PLEKHH2: variants seen among roughly 807,000 people sequenced by gnomAD.
PLEKHH2 encodes pleckstrin homology, MyTH4 and FERM domain containing H2.
A neutral mutation model predicts 187.9 loss-of-function variants in PLEKHH2; 129 were observed. The observed-to-expected ratio is 0.69, with a 90% CI of 0.59 to 0.79. The LOEUF (loss-of-function observed/expected upper bound fraction) is 0.79, where lower values mean the gene tolerates loss of function less well. Ranked by LOEUF, PLEKHH2 falls within the 30% of genes least tolerant of loss-of-function variation. PLEKHH2 has a pLI of 0.00. For missense variants in PLEKHH2, 2,076 were observed against 1,751.2 expected (o/e 1.19, Z -3.31); for synonymous variants, 686 against 605.6 (o/e 1.13, Z -1.95).
At chr2:43,698,418 T>C (rs1164922217) in intron 7 of PLEKHH2, among the ~76,000 whole-genome samples, 1 of 152,056 alleles carries the variant, frequency 6.6e-6, no homozygotes, top group South Asian at 2.1e-4. Flanking sequence ...TAGTTAATTT[T>C]TGTATTTTTT....
Position 43,710,726 on chromosome 2 carries a change from C to T in PLEKHH2, c.2301+151C>T, listed in dbSNP as rs1669924388. 5 of 1,416,878 alleles carry T rather than the reference C, an allele frequency of 3.5e-6. No homozygotes were observed. In the South Asian group the frequency reaches 6.3e-5, roughly 18 times the overall value. 87.8% of individuals were successfully genotyped at this position (1,416,878 alleles called of 1,614,324 possible). On this transcript the variant is annotated intron_variant, in intron 14 of 29. Coordinates refer to ENST00000282406, the MANE Select transcript of PLEKHH2 (RefSeq NM_172069.4). ...TGATGCCTTGGAAGTATGTGAAACT[C>T]CACGAATTTTTGGTTAAAACTATAA...
Position 43,710,326 on chromosome 2 carries a change from C to T in PLEKHH2, c.2210C>T (p.Ser737Phe), listed in dbSNP as rs1269810374. 1.2e-6 allele frequency: 2 copies of T among 1,612,874 alleles called. No homozygotes were observed. Among genetic ancestry groups the T allele is most frequent in the Non-Finnish European group, 8.5e-7 (1 of 1,178,934 alleles). Reference protein sequence around the residue: ...LKGGELLYYKSPSDVIRKPQG... With the variant: ...LKGGELLYYKFPSDVIRKPQG... ...GGTGGTGAATTACTTTACTACAAATCTCCGGTGAGTGGAAAGTGTTTTCTG... is the reference window on the plus strand; with the variant it reads ...GGTGGTGAATTACTTTACTACAAATTTCCGGTGAGTGGAAAGTGTTTTCTG... The change falls in exon 13 of 30, where the codon TCT (serine) becomes TTT (phenylalanine). Residue 737 changes from serine to phenylalanine, a missense_variant. Coordinates refer to ENST00000282406, the MANE Select transcript of PLEKHH2 (RefSeq NM_172069.4).
intron 24 of PLEKHH2, 152 bp from the exon 25 acceptor site, chr2:43,753,467 C>A: frequency 1.9e-6 from 1 of 528,900 alleles, no homozygotes; most frequent in Non-Finnish European, 3.0e-6. Context: ...CTAAATAGAA[C>A]AGAAACAGAA....
At position 43,678,111 on chromosome 2, in the gene PLEKHH2, C is replaced by A. The variant is rs188893909; in HGVS notation, c.124-752C>A. ...CAGAGGCGCTCCTCACATTCCAGAC[C>A]GGGCGGCGGGGCAGAGGCGCTCCCC... On this transcript the variant is annotated intron_variant, in intron 2 of 29. Transcript: ENST00000282406. Among the ~76,000 whole-genome samples the A allele has an allele frequency of 6.8e-5, 10 of 146,352 alleles. No individual in the cohort carries two copies. The Admixed American group carries it at 6.8e-4, about 10-fold the overall frequency.
At chr2:43,672,684 T>A (rs1667547806) in intron 2 of PLEKHH2, among the ~76,000 whole-genome samples, 1 of 152,242 alleles carries the variant, frequency 6.6e-6, no homozygotes, top group Admixed American at 6.5e-5. Flanking sequence ...TCATTCCCTC[T>A]AAGGGAGCAG....
intron 3 of PLEKHH2, chr2:43,681,326 T>C: frequency 1.0e-6 from 1 of 964,468 alleles, no homozygotes; most frequent in South Asian, 1.6e-5. Flanking sequence ...GAATTTGGTG[T>C]TCTCAGCTCC....
chr2:43,681,408 CT>C lies in PLEKHH2; in HGVS notation c.186+2486del, dbSNP rs927377075. On this transcript the variant is annotated intron_variant, in intron 3 of 29. Transcript: ENST00000282406. ...AGGTTCTTGTCGACTTTGTTCTTTC[CT>C]TTGTTTTATTAATTGAATGAGTTCC... The C allele has an allele frequency of 2.6e-6, 4 of 1,548,442 alleles. No individual in the cohort carries two copies. The African/African-American group carries it at 4.1e-5, about 16-fold the overall frequency.
At chr2:43,717,722 A>G (rs546669327) in intron 15 of PLEKHH2, among the ~76,000 whole-genome samples, 21 of 152,338 alleles carry the variant, frequency 1.4e-4, no homozygotes, top group African/African-American at 4.6e-4. Context: ...TGGCTCTGCC[A>G]CTTACCACCT....
intron 24 of PLEKHH2, among the ~76,000 whole-genome samples, chr2:43,749,118 T>C (rs1439257833): frequency 6.6e-6 from 1 of 152,200 alleles, no homozygotes; most frequent in Non-Finnish European, 1.5e-5. Context: ...CTGAGTATGA[T>C]GGCTATGATT....
chr2:43,759,606 T>C (rs115720906), intron 27 of PLEKHH2, among the ~76,000 whole-genome samples: 1,769 of 152,346 alleles, frequency 0.012, 21 homozygotes, highest in Non-Finnish European at 0.019. Context: ...TGATTCCTTT[T>C]CTTTCTGTTG....
rs1558538620 is a variant in PLEKHH2, at chr2:43,710,471, T to C, written c.2215-18T>C. ...GTTAAAGTTAATCACTTTCCATTTG[T>C]TTTTCTGTTTCATACAGAGTGATGT... On this transcript the variant is annotated intron_variant, in intron 13 of 29. Transcript: ENST00000282406. 1.3e-6 allele frequency: 2 copies of C among 1,591,744 alleles called. No individual in the cohort carries two copies. Among genetic ancestry groups the C allele is most frequent in the Non-Finnish European group, 8.5e-7 (1 of 1,174,512 alleles).
At chr2:43,740,145 G>A (rs910122580) in intron 20 of PLEKHH2, among the ~76,000 whole-genome samples, 7 of 151,908 alleles carry the variant, frequency 4.6e-5, no homozygotes, top group African/African-American at 9.7e-5. Context: ...TTAATATAAC[G>A]TTTTAAAAAT....
chr2:43,660,696 A>T (rs1418929399), intron 2 of PLEKHH2, among the ~76,000 whole-genome samples: 1 of 119,786 alleles, frequency 8.3e-6, no homozygotes, highest in East Asian at 2.4e-4. Flanking sequence ...TTCAATTCCC[A>T]CCTATGAGTG....
At chr2:43,682,761 A>G (rs1258111298) in intron 3 of PLEKHH2, among the ~76,000 whole-genome samples, 1 of 152,044 alleles carries the variant, frequency 6.6e-6, no homozygotes, top group Non-Finnish European at 1.5e-5. Context: ...GCAACCACCA[A>G]TCTGCTTTCT....
chr2:43,732,661 C>A (rs73923861), intron 19 of PLEKHH2, among the ~76,000 whole-genome samples: 7,372 of 152,212 alleles, frequency 0.048, 369 homozygotes, highest in African/African-American at 0.13. Context: ...ACTTTTTCTT[C>A]ATCTCTAAGA....
chr2:43,700,116 G>C lies in PLEKHH2; in HGVS notation c.1158G>C (p.Leu386=), dbSNP rs1349561487. ...KKEQDSSSDE[L]NKKFQSQRLD... Reference sequence around the variant, plus strand: ...AACAAGATAGTTCCTCGGATGAACTGAATAAAAAATTTCAATCCCAGAGAC... The same window carrying C: ...AACAAGATAGTTCCTCGGATGAACTCAATAAAAAATTTCAATCCCAGAGAC... The change falls in exon 8 of 30, where the codon CTG becomes CTC. Residue 386 remains leucine (L), a synonymous_variant. Coordinates refer to ENST00000282406, the MANE Select transcript of PLEKHH2 (RefSeq NM_172069.4). The C allele has an allele frequency of 6.2e-7, 1 of 1,614,102 alleles. No individual in the cohort carries two copies. Among genetic ancestry groups the C allele is most frequent in the South Asian group, 1.1e-5 (1 of 91,082 alleles).
chr2:43,742,684 A>G (rs929488245), intron 21 of PLEKHH2, 57 bp from the exon 22 acceptor site: 38 of 1,301,950 alleles, frequency 2.9e-5, no homozygotes, highest in Non-Finnish European at 3.7e-5. Context: ...ATGGTTGCAC[A>G]TATTAGGTTG....
chr2:43,719,437 T>C (rs1670374393), intron 15 of PLEKHH2, among the ~76,000 whole-genome samples: 1 of 152,202 alleles, frequency 6.6e-6, no homozygotes, highest in Non-Finnish European at 1.5e-5. Context: ...GGTTTTCATC[T>C]TCTCACTTCT....
In PLEKHH2 at chr2:43,710,308, A is replaced by C; in HGVS notation, c.2192A>C (p.Glu731Ala). ...KRRWFVLKGG[E>A]LLYYKSPSDV... is the part of the protein sequence containing the mutation. ...CGGTGGTTTGTTCTTAAAGGTGGTGAATTACTTTACTACAAATCTCCGGTG... is the reference window on the plus strand; with the variant it reads ...CGGTGGTTTGTTCTTAAAGGTGGTGCATTACTTTACTACAAATCTCCGGTG... Residue 731 changes from glutamate (E) to alanine (A), a missense_variant, in exon 13 of 30, where the codon GAA (glutamate) becomes GCA (alanine). Physicochemically the swap from Glu to Ala is moderately radical, Grantham distance 107. Transcript: ENST00000282406. 1 of 1,613,876 alleles carries C rather than the reference A, an allele frequency of 6.2e-7. No homozygotes were observed. The highest frequency in any genetic ancestry group is 8.5e-7 in the Non-Finnish European group (1 of 1,179,804).
Sources: allele counts gnomAD v4.1 joint callset (sites outside exome capture counted in the v4.1 genomes callset), GRCh38; gene constraint gnomAD v4.1.1; transcripts MANE v1.5; gene names NCBI Gene and HGNC (gene_info 2026-07-23, HGNC 2026-07-21).